Variants in SIMC1 observed in about 807,000 individuals in gnomAD.
SIMC1 encodes the protein SUMO interacting motifs containing 1.
A neutral mutation model predicts 82.3 loss-of-function variants in SIMC1; 55 were observed. The observed-to-expected ratio is 0.67, with a 90% CI of 0.54 to 0.84. The LOEUF is 0.84. SIMC1 is among the 40% of genes least tolerant of loss of function. The pLI is 0.00. For synonymous variants in SIMC1, 353 were observed against 426.3 expected (o/e 0.83, Z 2.12); for missense variants, 915 against 1,107.2 (o/e 0.83, Z 2.46).
At chr5:176,295,322 A>C (rs528242353) in intron 3 of SIMC1, 60 bp downstream of exon 3, 16 of 1,513,500 alleles carry the variant, frequency 1.1e-5, no homozygotes, top group Non-Finnish European at 3.5e-6. Flanking sequence ...CTCAGGGCAT[A>C]GCTTTCTCTT....
At chr5:176,313,355 C>A (rs1764750013) in intron 4 of SIMC1, 2 of 1,502,600 alleles carry the variant, frequency 1.3e-6, no homozygotes, top group South Asian at 1.3e-5. Flanking sequence ...ATCAAATGAT[C>A]TACAATCCTA....
intron 1 of SIMC1, among the ~76,000 whole-genome samples, chr5:176,288,944 C>T (rs1041751150): frequency 6.6e-6 from 1 of 152,086 alleles, no homozygotes; most frequent in Non-Finnish European, 1.5e-5. Context: ...AAGTGGAGAT[C>T]GGAAGTTTTC....
chr5:176,283,780 A>G (rs1763129858), intron 1 of SIMC1, among the ~76,000 whole-genome samples: 1 of 151,284 alleles, frequency 6.6e-6, no homozygotes, highest in African/African-American at 2.4e-5. Flanking sequence ...CAGGAGACCC[A>G]TCTCACATGC....
intron 4 of SIMC1, among the ~76,000 whole-genome samples, chr5:176,298,932 T>C (rs1436929132): frequency 1.3e-5 from 2 of 152,206 alleles, no homozygotes; most frequent in African/African-American, 2.4e-5. Context: ...ACAAGACGTA[T>C]AGGAAATAAT....
chr5:176,272,255 G>C (rs1762475938), intron 1 of SIMC1, among the ~76,000 whole-genome samples: 1 of 149,612 alleles, frequency 6.7e-6, no homozygotes, highest in Non-Finnish European at 1.5e-5. Context: ...TGAGGTCATA[G>C]GATCACTCCA....
At chr5:176,301,296 C>T (rs1561706831) in intron 4 of SIMC1, among the ~76,000 whole-genome samples, 2 of 152,194 alleles carry the variant, frequency 1.3e-5, no homozygotes, top group Admixed American at 6.5e-5. Context: ...TTCCCCTACA[C>T]AAGCTCTCTT....
At chr5:176,321,449 A>AG (rs1212431780) in intron 5 of SIMC1, among the ~76,000 whole-genome samples, 1 of 152,098 alleles carries the variant, frequency 6.6e-6, no homozygotes, top group African/African-American at 2.4e-5. Context: ...CTAAAAAAAA[A>AG]AAAAAACTCA....
At chr5:176,336,635 T>G in intron 7 of SIMC1, 85 bp from the exon 8 acceptor site, 1 of 1,529,420 alleles carries the variant, frequency 6.5e-7, no homozygotes, top group Non-Finnish European at 8.8e-7. Context: ...TTAGGACAAA[T>G]GTTGTACATT....
intron 5 of SIMC1, 66 bp from the exon 6 acceptor site, chr5:176,322,207 T>C: frequency 3.4e-6 from 5 of 1,488,118 alleles, no homozygotes; most frequent in Non-Finnish European, 4.5e-6. Context: ...ACCTTTTCTT[T>C]CTTTATTTTT....
At chr5:176,261,273 C>A (rs1762006461) in intron 1 of SIMC1, 1 of 152,092 alleles carries the variant, frequency 6.6e-6, no homozygotes, top group Admixed American at 6.6e-5. Flanking sequence ...TCCTAAAGTG[C>A]TGGGATTACA....
In SIMC1 at chr5:176,241,017, T is replaced by C. The variant is rs1440843313; in HGVS notation, c.129+2380T>C. On this transcript the variant is annotated intron_variant, in intron 1 of 9. Transcript: ENST00000429602. ...CTTTTTTTTTTTTTTTTAATAGATA[T>C]TGACTAAGGGGAAGTAACTTGCTTG... Among the ~76,000 whole-genome samples, 2 of 83,180 alleles carry C rather than the reference T, an allele frequency of 2.4e-5. 1 individual carries two copies. The highest frequency in any genetic ancestry group is 5.2e-5 in the Non-Finnish European group (2 of 38,298). 54.6% of individuals were successfully genotyped at this position (83,180 alleles called of 152,430 possible). A position where few individuals can be genotyped will look rare whatever the true frequency, so the allele number is the denominator to read the frequency against.
chr5:176,275,939 TG>T (rs1175111470), intron 1 of SIMC1, among the ~76,000 whole-genome samples: 1 of 151,746 alleles, frequency 6.6e-6, no homozygotes, highest in East Asian at 1.9e-4. Flanking sequence ...TTCTCTTTTT[TG>T]GTTGTGTCTC....
At chr5:176,334,906 A>T (rs143401207) in intron 7 of SIMC1, among the ~76,000 whole-genome samples, 1 of 152,186 alleles carries the variant, frequency 6.6e-6, no homozygotes, top group African/African-American at 2.4e-5. Context: ...AGCCTGGCCA[A>T]CATGGTGAAA....
rs550647401 is a variant in SIMC1 at position 176,280,482 on chromosome 5, T to C, written c.130-9172T>C. Among the ~76,000 whole-genome samples the C allele has an allele frequency of 1.3e-3, 192 of 152,282 alleles. 1 individual carries two copies. Among genetic ancestry groups the C allele is most frequent in the African/African-American group, 4.5e-3 (186 of 41,546 alleles). ...TGTGAATTTGAACCTGTCATTATGA[T>C]GTTAGCTGGTTATTTTGCTCGTTAG... On this transcript the variant is annotated intron_variant, in intron 1 of 9. Transcript: ENST00000429602.
intron 1 of SIMC1, among the ~76,000 whole-genome samples, chr5:176,272,198 A>AAAG (rs1762471342): frequency 6.0e-5 from 7 of 116,856 alleles, no homozygotes; most frequent in African/African-American, 2.1e-4. Flanking sequence ...AAAAAAAAAA[A>AAAG]GGTGGGCATG....
intron 4 of SIMC1, among the ~76,000 whole-genome samples, chr5:176,303,477 A>G (rs994308002): frequency 1.3e-5 from 2 of 152,090 alleles, no homozygotes; most frequent in Non-Finnish European, 2.9e-5. Context: ...ATGCGCCACC[A>G]TGCCCGGCTA....
At chr5:176,344,873 G>T (rs1766360284) in intron 9 of SIMC1, among the ~76,000 whole-genome samples, 2 of 152,076 alleles carry the variant, frequency 1.3e-5, no homozygotes, top group Non-Finnish European at 2.9e-5. Context: ...CTAAAACATG[G>T]ACTAGATGAA....
At chr5:176,242,220 G>A (rs1260242703) in intron 1 of SIMC1, among the ~76,000 whole-genome samples, 3 of 151,984 alleles carry the variant, frequency 2.0e-5, no homozygotes, top group Non-Finnish European at 2.9e-5. Context: ...TATCACGGTA[G>A]TACAGTGTAG....
chr5:176,284,529 G>A (rs1459166370), intron 1 of SIMC1, among the ~76,000 whole-genome samples: 1 of 152,188 alleles, frequency 6.6e-6, no homozygotes, highest in African/African-American at 2.4e-5. Flanking sequence ...AAAGCAGTGT[G>A]TAGAGGGAAA....
Sources: gnomAD v4.1 joint callset for allele counts (sites outside exome capture counted in the v4.1 genomes callset) on GRCh38, gnomAD v4.1.1 for gene constraint, MANE v1.5 for transcripts, NCBI Gene and HGNC (gene_info 2026-07-23, HGNC 2026-07-21) for gene names.